ARHGAP26: variants seen among roughly 807,000 people sequenced by gnomAD.
ARHGAP26 encodes the protein Rho GTPase activating protein 26.
Under a neutral mutation model 104.8 loss-of-function variants are expected in ARHGAP26, and 38 were observed. The observed-to-expected ratio is 0.36, with a 90% CI of 0.28 to 0.48. The LOEUF is 0.48. ARHGAP26 is among the 20% of genes least tolerant of loss of function. ARHGAP26 has a pLI of 0.99. For synonymous variants in ARHGAP26, 341 were observed against 340.0 expected (o/e 1.00, Z -0.03); for missense variants, 704 against 947.9 (o/e 0.74, Z 3.38).
At chr5:143,138,198 C>G (rs1798114321) in intron 19 of ARHGAP26, among the ~76,000 whole-genome samples, 1 of 152,146 alleles carries the variant, frequency 6.6e-6, no homozygotes, top group Non-Finnish European at 1.5e-5. Flanking sequence ...AAGCTGTGGT[C>G]TATTCTCAGA....
intron 21 of ARHGAP26, among the ~76,000 whole-genome samples, chr5:143,209,660 A>G (rs55774141): frequency 0.23 from 35,640 of 151,922 alleles, 4,580 homozygotes; most frequent in African/African-American, 0.34. Context: ...GGGCGCCTGT[A>G]ATCCCAGCTA....
At chr5:143,160,617 G>C (rs1219689327) in intron 20 of ARHGAP26, among the ~76,000 whole-genome samples, 2 of 151,832 alleles carry the variant, frequency 1.3e-5, no homozygotes, top group Non-Finnish European at 2.9e-5. Context: ...CTGAGTAGCT[G>C]GATAGTCCCA....
chr5:143,117,682 T>C (rs894268015), intron 17 of ARHGAP26, among the ~76,000 whole-genome samples: 1 of 152,240 alleles, frequency 6.6e-6, no homozygotes, highest in African/African-American at 2.4e-5. Context: ...AGAATTAATA[T>C]ACCTTTTTTC....
At chr5:143,147,638 G>A (rs574239278) in intron 20 of ARHGAP26, 136 of 425,240 alleles carry the variant, frequency 3.2e-4, no homozygotes, top group Non-Finnish European at 4.8e-4. Context: ...TGGCTTTGGT[G>A]ATAGCTATTG....
chr5:143,069,834 A>G (rs1047412074), intron 17 of ARHGAP26, among the ~76,000 whole-genome samples: 2 of 152,238 alleles, frequency 1.3e-5, no homozygotes, highest in African/African-American at 2.4e-5. Flanking sequence ...AGATAAGACC[A>G]TCATCATAAT....
chr5:143,177,487 C>T (rs185882383), intron 20 of ARHGAP26, among the ~76,000 whole-genome samples: 3 of 152,164 alleles, frequency 2.0e-5, no homozygotes, highest in Admixed American at 6.5e-5. Context: ...AGAGCTGGCA[C>T]GTCAGTAGCA....
intron 1 of ARHGAP26, among the ~76,000 whole-genome samples, chr5:142,772,404 A>G (rs1001885589): frequency 2.0e-5 from 3 of 152,158 alleles, no homozygotes; most frequent in Admixed American, 2.0e-4. Flanking sequence ...TTAGGGGCCC[A>G]CTTACAGGTT....
Position 143,199,096 on chromosome 5 carries a change from C to T in ARHGAP26, c.1989-8102C>T, listed in dbSNP as rs573513337. Among the ~76,000 whole-genome samples, 67 of 152,154 alleles carry T rather than the reference C, an allele frequency of 4.4e-4. No homozygotes were observed. The South Asian group carries it at 0.011, about 25-fold the overall frequency. Reference sequence around the variant, plus strand: ...CACTAGTTTCATTAAAATAAGAAACCGAACTCTGTCATTGTTTAAATAAAA... The same window carrying T: ...CACTAGTTTCATTAAAATAAGAAACTGAACTCTGTCATTGTTTAAATAAAA... On this transcript the variant is annotated intron_variant, in intron 20 of 22. Transcript: ENST00000645722.
intron 1 of ARHGAP26, among the ~76,000 whole-genome samples, chr5:142,779,725 A>C (rs560853362): frequency 1.3e-5 from 2 of 152,354 alleles, no homozygotes; most frequent in African/African-American, 4.8e-5. Context: ...GAGACTTCAG[A>C]TAGATCTCCA....
chr5:143,051,320 T>C (rs968998523), intron 14 of ARHGAP26, among the ~76,000 whole-genome samples: 5 of 152,258 alleles, frequency 3.3e-5, no homozygotes, highest in African/African-American at 1.2e-4. Flanking sequence ...CTGTGTCTTC[T>C]GATTTTCTGA....
chr5:143,134,704 G>A (rs1749987060), intron 19 of ARHGAP26, among the ~76,000 whole-genome samples: 1 of 152,194 alleles, frequency 6.6e-6, no homozygotes, highest in African/African-American at 2.4e-5. Context: ...TTCATCTCAG[G>A]ATTTCTGAGT....
At chr5:142,776,229 T>C (rs6866262) in intron 1 of ARHGAP26, among the ~76,000 whole-genome samples, 1 of 152,202 alleles carries the variant, frequency 6.6e-6, no homozygotes, top group African/African-American at 2.4e-5. Context: ...CGTCTTGGCC[T>C]CCCAAAGTGC....
At chr5:142,861,769 A>T (rs998996155) in intron 1 of ARHGAP26, among the ~76,000 whole-genome samples, 1 of 152,234 alleles carries the variant, frequency 6.6e-6, no homozygotes, top group Non-Finnish European at 1.5e-5. Flanking sequence ...CTCAGGAGGC[A>T]GGTTTCCCTT....
chr5:143,174,787 G>C (rs1266557938), intron 20 of ARHGAP26, among the ~76,000 whole-genome samples: 2 of 152,152 alleles, frequency 1.3e-5, no homozygotes, highest in Admixed American at 6.5e-5. Context: ...AGGATCATAG[G>C]TAATTGGAAC....
intron 17 of ARHGAP26, among the ~76,000 whole-genome samples, chr5:143,069,046 T>C (rs1787898103): frequency 6.6e-6 from 1 of 152,164 alleles, no homozygotes; most frequent in Admixed American, 6.5e-5. Flanking sequence ...TCCTGTTTGC[T>C]ATGCCCCAGG....
chr5:143,185,440 T>C (rs1344194550), intron 20 of ARHGAP26, among the ~76,000 whole-genome samples: 2 of 152,184 alleles, frequency 1.3e-5, no homozygotes, highest in Non-Finnish European at 2.9e-5. Context: ...AAAATATATG[T>C]TATGGGGCAT....
intron 6 of ARHGAP26, 35 bp from the exon 7 acceptor site, chr5:142,901,900 G>T: frequency 6.3e-7 from 1 of 1,574,858 alleles, no homozygotes. Context: ...TTTCAACCTG[G>T]TTATGTGACC....
At chr5:142,837,439 G>A (rs1041887955) in intron 1 of ARHGAP26, among the ~76,000 whole-genome samples, 2 of 151,716 alleles carry the variant, frequency 1.3e-5, no homozygotes, top group Non-Finnish European at 2.9e-5. Flanking sequence ...TGGGTTCCTC[G>A]TAGTGAACAC....
chr5:142,865,123 G>A (rs2152323352), intron 1 of ARHGAP26, among the ~76,000 whole-genome samples: 1 of 152,314 alleles, frequency 6.6e-6, no homozygotes, highest in Middle Eastern at 3.4e-3. Context: ...GCATGTGAAT[G>A]CAGTTGTTCT....
Sources: gnomAD v4.1 joint callset for allele counts (sites outside exome capture counted in the v4.1 genomes callset) on GRCh38, gnomAD v4.1.1 for gene constraint, MANE v1.5 for transcripts, NCBI Gene and HGNC (gene_info 2026-07-23, HGNC 2026-07-21) for gene names.